Variants in PRDM2 observed in about 807,000 individuals in gnomAD.
The protein encoded by PRDM2 is PR/SET domain 2, also known as PR domain zinc finger protein 2.
A neutral mutation model predicts 130.0 loss-of-function variants in PRDM2; 30 were observed. The ratio of observed to expected loss-of-function variants is 0.23; its 90% CI spans 0.17 to 0.31. The LOEUF is 0.31. PRDM2 is among the 10% of genes least tolerant of loss of function. PRDM2 has a pLI of 1.00. For synonymous variants in PRDM2, 871 were observed against 782.4 expected, an observed-to-expected ratio of 1.11 and a Z score of -1.89; for missense variants, 2,011 against 2,108.4, an observed-to-expected ratio of 0.95 and a Z score of 0.90.
At position 13,781,053 on chromosome 1, in the gene PRDM2, C is replaced by G. The variant is rs768998707; in HGVS notation, c.3258C>G (p.Ser1086=). The G allele has an allele frequency of 8.7e-6, 14 of 1,612,154 alleles. No individual in the cohort carries two copies. The East Asian group carries it at 3.1e-4, about 36-fold the overall frequency. The change falls in exon 8 of 10, where the codon TCC becomes TCG. Residue 1086 remains serine (S), a synonymous_variant. Coordinates refer to ENST00000311066, the MANE Select transcript of PRDM2 (RefSeq NM_001393986.1). This position sits in a 1 kb window ranked among gnomAD's most constrained non-coding sequence, Gnocchi z 6.1. ...TCTCCGCAATATCATCTGTTGTTTC[C>G]TCTGGTGATAATCTGGAGGCTTCTC... The part of the protein sequence containing the change: ...PPLSAISSVV[S]SGDNLEASLP...
chr1:13,795,799 T>C (rs1183687600), intron 8 of PRDM2, among the ~76,000 whole-genome samples: 1 of 152,206 alleles, frequency 6.6e-6, no homozygotes, highest in East Asian at 1.9e-4. Flanking sequence ...GCCCAGAGGA[T>C]GGATGAACCT....
rs898218549 is a variant in PRDM2, at chr1:13,782,406, C to A, written c.4611C>A (p.Arg1537=). The A allele has an allele frequency of 1.2e-6, 2 of 1,614,014 alleles. No individual in the cohort carries two copies. The highest frequency in any genetic ancestry group is 1.7e-5 in the Admixed American group (1 of 60,010). The stretch of plus-strand genomic sequence containing the variant: ...CTCCGTTGGGCAAGACCAGAGCCCG[C>A]AGCTCAGGCCCCACCCAAGTCCCAC... ...MQTPLGKTRA[R]SSGPTQVPLP... The change falls in exon 8 of 10, where the codon CGC becomes CGA. Residue 1537 remains arginine (R), a synonymous_variant. Transcript: ENST00000311066.
chr1:13,787,234 C>T, intron 8 of PRDM2: 1 of 983,664 alleles, frequency 1.0e-6, no homozygotes, highest in South Asian at 4.7e-5. Flanking sequence ...TTATCAGAGA[C>T]TATGTAGCAA....
intron 8 of PRDM2, chr1:13,786,473 T>G: frequency 6.2e-7 from 1 of 1,604,226 alleles, no homozygotes; most frequent in Non-Finnish European, 8.5e-7. Flanking sequence ...CATGTAAGGT[T>G]ATGTTCTGTT....
chr1:13,811,013 G>A (rs1645164647), intron 8 of PRDM2, among the ~76,000 whole-genome samples: 1 of 151,768 alleles, frequency 6.6e-6, no homozygotes, highest in East Asian at 2.0e-4. Context: ...GTGAAACCCC[G>A]TCTCTACTAA....
At chr1:13,723,397 C>T (rs1469273756) in intron 2 of PRDM2, among the ~76,000 whole-genome samples, 6 of 152,206 alleles carry the variant, frequency 3.9e-5, no homozygotes, top group Non-Finnish European at 1.5e-5. Context: ...TGCTCCAGCA[C>T]ATGGACACTT....
At chr1:13,709,149 GTT>G (rs763989286) in intron 1 of PRDM2, among the ~76,000 whole-genome samples, 7 of 142,492 alleles carry the variant, frequency 4.9e-5, no homozygotes, top group Admixed American at 2.1e-4. Flanking sequence ...GAAGTTTACA[GTT>G]TTTTTTTTTT....
At chr1:13,768,572 G>T (rs140711813) in intron 6 of PRDM2, among the ~76,000 whole-genome samples, 2,036 of 151,912 alleles carry the variant, frequency 0.013, 41 homozygotes, top group African/African-American at 0.047. Context: ...TAGAGATGGG[G>T]TTTCACCCAC....
At chr1:13,728,071 A>T (rs1211223807) in intron 2 of PRDM2, among the ~76,000 whole-genome samples, 5 of 152,190 alleles carry the variant, frequency 3.3e-5, no homozygotes, top group Non-Finnish European at 7.4e-5. Context: ...ATTTCAAGAA[A>T]TTCAGGCACA....
chr1:13,780,568 C>T lies in PRDM2; in HGVS notation c.2773C>T (p.Pro925Ser). ...TAAATCCCTAGAAGCTCAGCCAGAT[C>T]CTGACCTCGGTCCGGGCTCTGGTTT... ...PCKSLEAQPD[P>S]DLGPGSGFPA... Residue 925 changes from proline (P) to serine (S), a missense_variant, in exon 8 of 10, where the codon CCT (proline) becomes TCT (serine). Around this residue, in one of 5 missense-constraint regions of PRDM2, gnomAD observed 1,288 missense variants for 1,237.7 expected, o/e 1.04. Coordinates refer to ENST00000311066, the MANE Select transcript of PRDM2 (RefSeq NM_001393986.1). 6.2e-7 allele frequency: 1 copy of T among 1,614,146 alleles called. No homozygotes were observed. The highest frequency in any genetic ancestry group is 2.2e-5 in the East Asian group (1 of 44,874).
rs746354799 is a variant in PRDM2 at position 13,816,450 on chromosome 1, G to A, written c.5060G>A (p.Arg1687Gln). The change falls in exon 9 of 10, where the codon CGA (arginine) becomes CAA (glutamine). Residue 1687 changes from arginine (R) to glutamine (Q), a missense_variant. Arg to Gln is a conservative substitution (Grantham distance 43, BLOSUM62 1). Coordinates refer to ENST00000311066, the MANE Select transcript of PRDM2 (RefSeq NM_001393986.1). The stretch of plus-strand genomic sequence containing the variant: ...AGCTACAGCCTCCGCTTGGCGTCCC[G>A]ATGCTCTCCACCAGCGGCCCCGTAC... ...DFSYSLRLAS[R>Q]CSPPAAPYIT... is the part of the protein sequence containing the mutation. The A allele has an allele frequency of 3.7e-5, 59 of 1,614,012 alleles. No homozygotes were observed. The highest frequency in any genetic ancestry group is 2.2e-4 in the East Asian group (10 of 44,900).
intron 2 of PRDM2, among the ~76,000 whole-genome samples, chr1:13,724,396 G>A (rs1642837472): frequency 1.3e-5 from 2 of 152,002 alleles, no homozygotes; most frequent in South Asian, 4.1e-4. Context: ...GAAAGCAAAT[G>A]TCACAGCCAT....
At chr1:13,787,296 T>A in intron 8 of PRDM2, 4 of 984,168 alleles carry the variant, frequency 4.1e-6, no homozygotes, top group Non-Finnish European at 4.8e-6. Context: ...TGTCTACACG[T>A]AAGTATAAAT....
At chr1:13,701,109 G>C (rs945851307) in intron 1 of PRDM2, among the ~76,000 whole-genome samples, 13 of 152,132 alleles carry the variant, frequency 8.5e-5, no homozygotes, top group Non-Finnish European at 1.3e-4. Context: ...ATAGTTAACC[G>C]GGAAGTCCTG....
chr1:13,749,388 G>T lies in PRDM2; in HGVS notation c.412G>T (p.Val138Phe). 1.3e-6 allele frequency: 2 copies of T among 1,500,726 alleles called. No homozygotes were observed. Among genetic ancestry groups the T allele is most frequent in the Middle Eastern group, 2.0e-4 (1 of 4,980 alleles). 93.0% of individuals were successfully genotyped at this position (1,500,726 alleles called of 1,614,324 possible). ...KPIAPGEELL[V>F]WYNGEDNPEI... ...AATCGCGCCGGGCGAGGAGCTCCTG[G>T]TCTGGTACAATGGGGAAGACAACCC... Residue 138 changes from valine (V) to phenylalanine (F), a missense_variant, in exon 6 of 10, where the codon GTC becomes TTC. Val to Phe is a conservative substitution (Grantham distance 50, BLOSUM62 -1). Around this residue, in one of 5 missense-constraint regions of PRDM2, gnomAD observed 1,288 missense variants for 1,237.7 expected, o/e 1.04. Transcript: ENST00000311066.
At chr1:13,790,840 T>A (rs138598556) in intron 8 of PRDM2, among the ~76,000 whole-genome samples, 1 of 152,226 alleles carries the variant, frequency 6.6e-6, no homozygotes, top group Non-Finnish European at 1.5e-5. Flanking sequence ...CTCCCCCCCT[T>A]CTGCCCTTGT....
At chr1:13,718,461 C>G (rs1303835816) in intron 2 of PRDM2, among the ~76,000 whole-genome samples, 1 of 152,186 alleles carries the variant, frequency 6.6e-6, no homozygotes, top group Non-Finnish European at 1.5e-5. Flanking sequence ...TCAGCACTGA[C>G]TATTGAGGCG....
At chr1:13,751,111 T>C (rs1643821959) in intron 6 of PRDM2, among the ~76,000 whole-genome samples, 1 of 152,218 alleles carries the variant, frequency 6.6e-6, no homozygotes, top group Non-Finnish European at 1.5e-5. Flanking sequence ...ACTCTTTTGC[T>C]TTTTTGTTTA....
chr1:13,728,747 A>G (rs1643006876), intron 2 of PRDM2, among the ~76,000 whole-genome samples: 1 of 152,260 alleles, frequency 6.6e-6, no homozygotes, highest in African/African-American at 2.4e-5. Flanking sequence ...GACTTAAAAC[A>G]GATAAACAAA....
Sources: gnomAD v4.1 joint callset for allele counts (sites outside exome capture counted in the v4.1 genomes callset) on GRCh38, gnomAD v4.1.1 for gene constraint, gnomAD v4.1.1 regional missense constraint, Gnocchi (gnomAD v3.1) non-coding constraint, MANE v1.5 for transcripts, NCBI Gene and HGNC (gene_info 2026-07-23, HGNC 2026-07-21) for gene names.